Variants in RBBP7 observed in about 807,000 individuals in gnomAD.
RBBP7 encodes the protein RB binding protein 7, chromatin remodeling factor.
In RBBP7, 5 loss-of-function variants were observed where a neutral mutation model predicts 35.2. The ratio of observed to expected loss-of-function variants is 0.14; its 90% CI spans 0.07 to 0.30. The LOEUF is 0.30. RBBP7 is among the 10% of genes least tolerant of loss of function. The pLI, the probability that RBBP7 is intolerant of heterozygous loss-of-function variation, is 1.00. For synonymous variants in RBBP7, 140 were observed against 118.7 expected (o/e 1.18, Z -1.17); for missense variants, 155 against 327.5 (o/e 0.47, Z 4.07).
In RBBP7 at chrX:16,869,201, C is replaced by T. The variant is rs2147532413; in HGVS notation, c.36G>A (p.Glu12=). 1 of 1,207,463 alleles carries T rather than the reference C, an allele frequency of 8.3e-7. No homozygotes were observed. The highest frequency in any genetic ancestry group is 1.1e-6 in the Non-Finnish European group (1 of 893,892). ...TATATTCTTCATTGATGACACGCTC[C>T]TCCACAGTATCTTCAAACACTGAAA... ...ASKEMFEDTV[E]ERVINEEYKI... Residue 12 remains glutamate (E), a synonymous_variant, in exon 2 of 12, where the codon GAG becomes GAA. Transcript: ENST00000380087.
chrX:16,850,192 A>G, intron 9 of RBBP7, among the ~76,000 whole-genome samples: 1 of 112,268 alleles, frequency 8.9e-6, no homozygotes, highest in Admixed American at 9.4e-5. Context: ...TTAATCCCAA[A>G]TTTTATCTAA....
In RBBP7 at chrX:16,844,953, T is replaced by C; in HGVS notation, c.*82A>G. 1 of 905,579 alleles carries C rather than the reference T, an allele frequency of 1.1e-6. No individual in the cohort carries two copies. 74.6% of individuals were successfully genotyped at this position (905,579 alleles called of 1,213,427 possible). On this transcript the variant is annotated 3_prime_UTR_variant, in exon 12 of 12. Coordinates refer to ENST00000380087, the MANE Select transcript of RBBP7 (RefSeq NM_002893.4). ...AAGCCACCCCACTTACATTTCCTAC[T>C]ATACAATGCCTTTTTGGCGCTTGAT...
chrX:16,859,829 G>T (rs1458087925), intron 3 of RBBP7, among the ~76,000 whole-genome samples: 2 of 111,411 alleles, frequency 1.8e-5, no homozygotes, highest in Non-Finnish European at 3.8e-5. Flanking sequence ...ACCAAAAGGA[G>T]CAAACCATTT....
rs779846507 is a variant in RBBP7, at chrX:16,852,592, T to C, written c.922A>G (p.Lys308Glu). ...TTATGAGATTCGAAGGTATGGAGTT[T>C]TAATTTTAAGTTACGCAGATCCCAT... ...ALWDLRNLKL[K>E]LHTFESHKDE... The change falls in exon 8 of 12, where the codon AAA becomes GAA. Residue 308 changes from lysine to glutamate, a missense_variant. By Grantham distance (56) the Lys-to-Glu change is moderately conservative. Coordinates refer to ENST00000380087, the MANE Select transcript of RBBP7 (RefSeq NM_002893.4). The C allele has an allele frequency of 8.3e-7, 1 of 1,210,194 alleles. No individual in the cohort carries two copies. Among genetic ancestry groups the C allele is most frequent in the African/African-American group, 1.7e-5 (1 of 57,210 alleles).
At chrX:16,856,692 A>G (rs1443322245) in intron 5 of RBBP7, among the ~76,000 whole-genome samples, 1 of 112,017 alleles carries the variant, frequency 8.9e-6, no homozygotes, top group African/African-American at 3.2e-5. Context: ...AGAAACTGGA[A>G]CATTTGTACA....
chrX:16,856,542 A>C (rs866040039), intron 5 of RBBP7, among the ~76,000 whole-genome samples: 6 of 106,858 alleles, frequency 5.6e-5, no homozygotes, highest in Non-Finnish European at 3.9e-5. Context: ...AAAACAAACA[A>C]AACAACAACA....
At chrX:16,859,330 A>G (rs917129329) in intron 3 of RBBP7, among the ~76,000 whole-genome samples, 2 of 112,191 alleles carry the variant, frequency 1.8e-5, no homozygotes, top group African/African-American at 6.5e-5. Flanking sequence ...CAAATCAATC[A>G]GAAACCCACG....
chrX:16,847,197 G>A (rs1178672456), intron 10 of RBBP7: 1 of 107,295 alleles, frequency 9.3e-6, no homozygotes, highest in Non-Finnish European at 1.9e-5. Flanking sequence ...TACTGGCCGG[G>A]TGTGGTGGCT....
intron 2 of RBBP7, 86 bp from the exon 3 acceptor site, chrX:16,863,186 T>A: frequency 1.1e-6 from 1 of 929,086 alleles, no homozygotes; most frequent in Non-Finnish European, 1.5e-6. Flanking sequence ...TCAAAATACA[T>A]TCATATTTCT....
At chrX:16,863,533 T>C (rs1408288611) in intron 2 of RBBP7, among the ~76,000 whole-genome samples, 1 of 112,290 alleles carries the variant, frequency 8.9e-6, no homozygotes, top group African/African-American at 3.2e-5. Context: ...ATGTTTCTTA[T>C]TTCCCAATAA....
chrX:16,845,548 C>T (rs1294309810), intron 11 of RBBP7, among the ~76,000 whole-genome samples: 3 of 111,821 alleles, frequency 2.7e-5, no homozygotes, highest in South Asian at 3.7e-4. Context: ...AGAGTAGCGA[C>T]GCCAAGACTC....
At position 16,857,642 on chromosome X, in the gene RBBP7, G is replaced by C. The variant is rs777939217; in HGVS notation, c.549C>G (p.Ser183=). The change falls in exon 5 of 12, where the codon TCC becomes TCG. Residue 183 remains serine, a synonymous_variant. Coordinates refer to ENST00000380087, the MANE Select transcript of RBBP7 (RefSeq NM_002893.4). The stretch of plus-strand genomic sequence containing the variant: ...GATGTCCACTCAAATTTGAATTCCA[G>C]GAGAGACCATAGCCTTCCTTCTGGT... ...RGHQKEGYGL[S]WNSNLSGHLL... is the part of the protein sequence containing the mutation. 2.5e-6 allele frequency: 3 copies of C among 1,206,808 alleles called. No homozygotes were observed. The South Asian group carries it at 5.4e-5, about 22-fold the overall frequency.
Position 16,870,194 on chromosome X carries a change from G to A in RBBP7, c.-141C>T. On this transcript the variant is annotated 5_prime_UTR_variant, in exon 1 of 12. Coordinates refer to ENST00000380087, the MANE Select transcript of RBBP7 (RefSeq NM_002893.4). ...AAGCCCGGGCCCCGTCTTGCTGCCT[G>A]GGTGCTCCCCAGACGCCGCGTCCTT... 3.8e-6 allele frequency: 3 copies of A among 790,981 alleles called. No homozygotes were observed. Among genetic ancestry groups the A allele is most frequent in the Non-Finnish European group, 4.7e-6 (3 of 644,269 alleles). 65.2% of individuals were successfully genotyped at this position (790,981 alleles called of 1,213,427 possible).
chrX:16,854,307 G>C (rs1930291839), intron 5 of RBBP7, among the ~76,000 whole-genome samples: 1 of 111,437 alleles, frequency 9.0e-6, no homozygotes, highest in African/African-American at 3.3e-5. Flanking sequence ...AGAGTATGTG[G>C]CTGCAGCCTC....
At chrX:16,857,465 G>A (rs1395386367) in intron 5 of RBBP7, 129 bp downstream of exon 5, 2 of 1,034,505 alleles carry the variant, frequency 1.9e-6, no homozygotes, top group Non-Finnish European at 2.6e-6. Flanking sequence ...TAAAGTCCTG[G>A]GGGAATGTTA....
rs935366622 is a variant in RBBP7, at chrX:16,869,341, C to T, written c.17-121G>A. ...TTTCCTTTTACCTCTAATTTGGACA[C>T]GGACAACTAACTGCTCTTCCAGAAG... On this transcript the variant is annotated intron_variant, in intron 1 of 11. Transcript: ENST00000380087. The T allele has an allele frequency of 3.8e-6, 4 of 1,059,779 alleles. No homozygotes were observed. The Admixed American group carries it at 1.1e-4, about 29-fold the overall frequency. 87.3% of individuals were successfully genotyped at this position (1,059,779 alleles called of 1,213,427 possible). A position where few individuals can be genotyped will look rare whatever the true frequency, so the allele number is the denominator to read the frequency against.
intron 2 of RBBP7, among the ~76,000 whole-genome samples, chrX:16,868,341 T>G (rs183869825): frequency 8.9e-6 from 1 of 112,428 alleles, no homozygotes; most frequent in Non-Finnish European, 1.9e-5. Flanking sequence ...GGACCAGCTG[T>G]GTGATCTTGG....
In RBBP7 at chrX:16,870,111, G is replaced by A; in HGVS notation, c.-58C>T. 9.5e-7 allele frequency: 1 copy of A among 1,055,686 alleles called. No homozygotes were observed. The highest frequency in any genetic ancestry group is 1.2e-6 in the Non-Finnish European group (1 of 812,349). The allele number at this position is 1,055,686 out of a possible 1,213,427, so 87.0% of individuals were successfully genotyped here. On this transcript the variant is annotated 5_prime_UTR_variant, in exon 1 of 12. Coordinates refer to ENST00000380087, the MANE Select transcript of RBBP7 (RefSeq NM_002893.4). ...CTCGGACTCCTCTCGTTAGCCAAGA[G>A]CAGCCCGACCGCTGGCGCTCCTGCC...
chrX:16,864,139 G>A (rs1247597697), intron 2 of RBBP7, among the ~76,000 whole-genome samples: 1 of 110,049 alleles, frequency 9.1e-6, no homozygotes, highest in Admixed American at 9.7e-5. Flanking sequence ...AAAAGTGTGT[G>A]CACATGGAGA....
Sources: gnomAD v4.1 joint callset for allele counts (sites outside exome capture counted in the v4.1 genomes callset) on GRCh38, gnomAD v4.1.1 for gene constraint, MANE v1.5 for transcripts, NCBI Gene and HGNC (gene_info 2026-07-23, HGNC 2026-07-21) for gene names.